ARFGEF3: variants seen among roughly 807,000 people sequenced by gnomAD.
ARFGEF3 encodes brefeldin A-inhibited guanine nucleotide-exchange protein 3.
In ARFGEF3, 96 loss-of-function variants were observed where a neutral mutation model predicts 221.7. The ratio of observed to expected loss-of-function variants is 0.43; its 90% CI spans 0.37 to 0.51. ARFGEF3 has a LOEUF of 0.51. Ranked by LOEUF, ARFGEF3 falls within the 20% of genes least tolerant of loss-of-function variation. The pLI, the probability that ARFGEF3 is intolerant of heterozygous loss-of-function variation, is 0.00. For missense variants in ARFGEF3, 2,410 were observed against 2,789.9 expected (o/e 0.86, Z 3.07); for synonymous variants, 1,145 against 1,126.8 (o/e 1.02, Z -0.32).
chr6:138,327,850 A>G lies in ARFGEF3; in HGVS notation c.5002-171A>G, dbSNP rs529262946. Reference sequence around the variant, plus strand: ...TTACTCCTCTGTTCTAATGCTTTGCATATGTAATACACACATATCAATTAA... The same window carrying G: ...TTACTCCTCTGTTCTAATGCTTTGCGTATGTAATACACACATATCAATTAA... On this transcript the variant is annotated intron_variant, in intron 31 of 33. Transcript: ENST00000251691. 4.6e-5 allele frequency among the ~76,000 whole-genome samples: 7 copies of G among 152,330 alleles called. No homozygotes were observed. The East Asian group carries it at 7.7e-4, about 17-fold the overall frequency.
chr6:138,263,740 G>A lies in ARFGEF3; in HGVS notation c.2128+129G>A, dbSNP rs1186219435. The stretch of plus-strand genomic sequence containing the variant: ...ATTAATGTATCTTTGGGTTTCCCCA[G>A]TTTAAAGAGGGCGAAGAAATCTAAG... On this transcript the variant is annotated intron_variant, in intron 12 of 33. Transcript: ENST00000251691. The A allele has an allele frequency of 3.4e-6, 3 of 882,454 alleles. No homozygotes were observed. The Admixed American group carries it at 8.5e-5, about 25-fold the overall frequency. The allele number at this position is 882,454 out of a possible 1,614,324, so 54.7% of individuals were successfully genotyped here. A position where few individuals can be genotyped will look rare whatever the true frequency, so the allele number is the denominator to read the frequency against.
At chr6:138,323,129 A>G (rs923538348) in intron 29 of ARFGEF3, among the ~76,000 whole-genome samples, 1 of 152,300 alleles carries the variant, frequency 6.6e-6, no homozygotes, top group East Asian at 1.9e-4. Flanking sequence ...ATACAAGTCT[A>G]CGTTTAATGA....
chr6:138,186,439 A>G (rs1406188955), intron 2 of ARFGEF3, among the ~76,000 whole-genome samples: 2 of 152,206 alleles, frequency 1.3e-5, no homozygotes, highest in Admixed American at 1.3e-4. Flanking sequence ...TTCAGATCTC[A>G]CATCCCCATC....
intron 4 of ARFGEF3, among the ~76,000 whole-genome samples, chr6:138,225,954 C>T (rs1278355872): frequency 2.6e-5 from 4 of 152,104 alleles, no homozygotes; most frequent in African/African-American, 4.8e-5. Flanking sequence ...CTGTAACTAT[C>T]CTTGGGAGGT....
At chr6:138,284,310 C>G (rs1224868881) in intron 14 of ARFGEF3, among the ~76,000 whole-genome samples, 1 of 150,492 alleles carries the variant, frequency 6.6e-6, no homozygotes, top group Non-Finnish European at 1.5e-5. Context: ...GTCTCAAAAA[C>G]AAACAAACAA....
intron 2 of ARFGEF3, among the ~76,000 whole-genome samples, chr6:138,205,594 C>G (rs565407336): frequency 6.6e-6 from 1 of 152,318 alleles, no homozygotes; most frequent in South Asian, 2.1e-4. Flanking sequence ...GAGTGCACTA[C>G]AGTGTTTGCC....
At position 138,263,324 on chromosome 6, in the gene ARFGEF3, A is replaced by G. The variant is rs1778827150; in HGVS notation, c.1841A>G (p.Tyr614Cys). Reference sequence around the variant, plus strand: ...ACAGAGTTTGATTCCTGTGATCAGTACTCTATGGCAGCAGAAAAGGACTCG... The same window carrying G: ...ACAGAGTTTGATTCCTGTGATCAGTGCTCTATGGCAGCAGAAAAGGACTCG... The part of the protein sequence containing the change: ...SRTEFDSCDQ[Y>C]SMAAEKDSGR... The change falls in exon 12 of 34, where the codon TAC becomes TGC. Residue 614 changes from tyrosine (Y) to cysteine (C), a missense_variant. Coordinates refer to ENST00000251691, the MANE Select transcript of ARFGEF3 (RefSeq NM_020340.5). The G allele has an allele frequency of 6.2e-7, 1 of 1,613,888 alleles. No homozygotes were observed. The highest frequency in any genetic ancestry group is 8.5e-7 in the Non-Finnish European group (1 of 1,179,890).
At position 138,340,253 on chromosome 6, in the gene ARFGEF3, C is replaced by T. The variant is rs1353504607; in HGVS notation, c.*3767C>T. On this transcript the variant is annotated 3_prime_UTR_variant, in exon 34 of 34. Transcript: ENST00000251691. ...ATAAAACTAAAATTTTTAAATCAAA[C>T]ATGACAAAAATGTTAATATAATTCA... The T allele has an allele frequency of 6.6e-6, 1 of 152,164 alleles. No homozygotes were observed. Among genetic ancestry groups the T allele is most frequent in the Non-Finnish European group, 1.5e-5 (1 of 68,024 alleles). The allele number at this position is 152,164 out of a possible 1,614,324, so 9.4% of individuals were successfully genotyped here. A position where few individuals can be genotyped will look rare whatever the true frequency, so the allele number is the denominator to read the frequency against.
chr6:138,187,832 C>T (rs527255564), intron 2 of ARFGEF3, among the ~76,000 whole-genome samples: 1 of 152,140 alleles, frequency 6.6e-6, no homozygotes, highest in African/African-American at 2.4e-5. Context: ...AGTCACCCTA[C>T]TAAAAAGGCA....
chr6:138,315,276 CCTGTGAATCAGAGTTCAAACTAGTAA>C (rs1473148863), intron 26 of ARFGEF3, among the ~76,000 whole-genome samples: 1 of 152,146 alleles, frequency 6.6e-6, no homozygotes, highest in Non-Finnish European at 1.5e-5. Flanking sequence ...CATGTGATCT[CCTGTGAATCAGAGTTCAAACTAGTAA>C]CTGTGGATCA....
At chr6:138,213,294 A>G (rs1777768871) in intron 4 of ARFGEF3, among the ~76,000 whole-genome samples, 1 of 151,510 alleles carries the variant, frequency 6.6e-6, no homozygotes, top group Non-Finnish European at 1.5e-5. Context: ...TCTCAAAAAA[A>G]AAAAAAAAAA....
intron 2 of ARFGEF3, among the ~76,000 whole-genome samples, chr6:138,188,362 C>T (rs1332237422): frequency 6.6e-6 from 1 of 152,158 alleles, no homozygotes; most frequent in Non-Finnish European, 1.5e-5. Context: ...TTGTCATGCC[C>T]TCGGCTGGGA....
At chr6:138,299,217 A>AAAC (rs1250741361) in intron 22 of ARFGEF3, among the ~76,000 whole-genome samples, 1 of 149,032 alleles carries the variant, frequency 6.7e-6, no homozygotes, top group Admixed American at 6.6e-5. Context: ...AAAAAAAAAA[A>AAAC]AAAAAAACAG....
intron 12 of ARFGEF3, among the ~76,000 whole-genome samples, chr6:138,278,193 A>G (rs1299670112): frequency 1.3e-5 from 2 of 152,218 alleles, no homozygotes; most frequent in Admixed American, 6.5e-5. Flanking sequence ...CAGGGTTTAC[A>G]TGAGTTTATC....
intron 2 of ARFGEF3, among the ~76,000 whole-genome samples, chr6:138,177,140 A>G (rs1776968037): frequency 6.6e-6 from 1 of 151,452 alleles, no homozygotes; most frequent in South Asian, 2.1e-4. Context: ...CCCAGGCTGG[A>G]GTGCAGTGGA....
At chr6:138,173,095 G>GT (rs1276135693) in intron 2 of ARFGEF3, among the ~76,000 whole-genome samples, 2 of 152,056 alleles carry the variant, frequency 1.3e-5, no homozygotes, top group Non-Finnish European at 2.9e-5. Context: ...AATACAATAA[G>GT]TTCAAGGAGA....
chr6:138,180,883 G>A (rs1045699399), intron 2 of ARFGEF3, among the ~76,000 whole-genome samples: 1 of 152,224 alleles, frequency 6.6e-6, no homozygotes, highest in Non-Finnish European at 1.5e-5. Context: ...AGCAGTGGAG[G>A]TTGCTGAAAT....
At chr6:138,318,525 G>A (rs536861695) in intron 27 of ARFGEF3, among the ~76,000 whole-genome samples, 5 of 152,208 alleles carry the variant, frequency 3.3e-5, no homozygotes, top group African/African-American at 4.8e-5. Flanking sequence ...ATTTAATGAC[G>A]TGAATAATTA....
chr6:138,208,443 GA>G (rs1210098511), intron 3 of ARFGEF3, among the ~76,000 whole-genome samples: 1 of 152,174 alleles, frequency 6.6e-6, no homozygotes, highest in Non-Finnish European at 1.5e-5. Context: ...AAAAAGGTTT[GA>G]AATATTATTT....
Sources: gnomAD v4.1 joint callset for allele counts (sites outside exome capture counted in the v4.1 genomes callset) on GRCh38, gnomAD v4.1.1 for gene constraint, MANE v1.5 for transcripts, NCBI Gene and HGNC (gene_info 2026-07-23, HGNC 2026-07-21) for gene names.